INSL6: variants seen among roughly 807,000 people sequenced by gnomAD.
INSL6 encodes insulin like 6.
Under a neutral mutation model 9.4 loss-of-function variants are expected in INSL6, and 16 were observed. The observed-to-expected ratio is 1.70, with a 90% CI of 1.15 to 2.59. The LOEUF (loss-of-function observed/expected upper bound fraction) is 2.59, where lower values mean the gene tolerates loss of function less well. Among genes scored for constraint, INSL6 ranks in the 30% most tolerant of loss-of-function variants. INSL6 has a pLI of 0.00. For synonymous variants in INSL6, 154 were observed against 96.9 expected, an observed-to-expected ratio of 1.59 and a Z score of -3.46; for missense variants, 391 against 257.3, an observed-to-expected ratio of 1.52 and a Z score of -3.56.
At chr9:5,017,236 C>T in the INSL6 span, among the ~76,000 whole-genome samples, 2 of 152,020 alleles carry the variant, frequency 1.3e-5, no homozygotes, top group Non-Finnish European at 2.9e-5. Context: ...AACTTAAAAA[C>T]CCACAGAGCC....
At chr9:4,992,723 A>T in the INSL6 span, among the ~76,000 whole-genome samples, 1 of 152,132 alleles carries the variant, frequency 6.6e-6, no homozygotes, top group African/African-American at 2.4e-5. Context: ...CCATGAAGAG[A>T]CAGTTTATAT....
chr9:5,062,390 G>C, the INSL6 span, among the ~76,000 whole-genome samples: 1 of 149,906 alleles, frequency 6.7e-6, no homozygotes, highest in Non-Finnish European at 1.5e-5. Context: ...TTTAAATTTT[G>C]TGAAAATTAC....
chr9:5,125,786 G>A (rs1276197953), intron 3 of INSL6, among the ~76,000 whole-genome samples: 2 of 151,390 alleles, frequency 1.3e-5, no homozygotes, highest in Non-Finnish European at 3.0e-5. Context: ...ATGTATATAT[G>A]TGAATTATCT....
chr9:5,078,693 G>A, the INSL6 span, among the ~76,000 whole-genome samples: 4 of 152,080 alleles, frequency 2.6e-5, no homozygotes, highest in Admixed American at 2.6e-4. Context: ...ATGTATGAAG[G>A]ATAGGATTTT....
intron 3 of INSL6, chr9:5,126,510 C>A: frequency 8.7e-7 from 1 of 1,142,876 alleles, no homozygotes; most frequent in Non-Finnish European, 1.3e-6. Context: ...TCAAGGACTT[C>A]AGTTCACTTC....
At chr9:5,034,045 C>G in the INSL6 span, among the ~76,000 whole-genome samples, 6 of 152,002 alleles carry the variant, frequency 3.9e-5, no homozygotes, top group East Asian at 1.9e-4. Context: ...GATGGAGGAA[C>G]ATCTACCAAG....
At chr9:5,051,245 A>G in the INSL6 span, among the ~76,000 whole-genome samples, 1 of 152,216 alleles carries the variant, frequency 6.6e-6, no homozygotes, top group Non-Finnish European at 1.5e-5. Context: ...TACAGGAAAT[A>G]TCATAGGTAT....
At chr9:5,100,367 C>G in the INSL6 span, 34 of 152,182 alleles carry the variant, frequency 2.2e-4, no homozygotes, top group Non-Finnish European at 8.8e-5. Flanking sequence ...CTCTTTTAAC[C>G]CTAGGCCTAT....
chr9:5,017,986 CTT>C, the INSL6 span, among the ~76,000 whole-genome samples: 5 of 152,122 alleles, frequency 3.3e-5, no homozygotes, highest in Non-Finnish European at 5.9e-5. Context: ...CTATGTGTAT[CTT>C]TAAAGGTGAG....
the INSL6 span, among the ~76,000 whole-genome samples, chr9:5,087,825 A>G: frequency 6.6e-6 from 1 of 152,324 alleles, no homozygotes; most frequent in Non-Finnish European, 1.5e-5. Flanking sequence ...GATGTACACA[A>G]ATATTTATTT....
chr9:5,164,506 G>C (rs1825005643), intron 1 of INSL6, among the ~76,000 whole-genome samples: 1 of 152,164 alleles, frequency 6.6e-6, no homozygotes, highest in Admixed American at 6.5e-5. Flanking sequence ...TCATTCACAT[G>C]CTATAAAATT....
chr9:5,176,582 G>A (rs201601162), intron 1 of INSL6, among the ~76,000 whole-genome samples: 4 of 151,864 alleles, frequency 2.6e-5, no homozygotes, highest in Non-Finnish European at 2.9e-5. Context: ...CCCTATTTAC[G>A]ATGATTAAAA....
At chr9:5,126,307 AAAT>A (rs780867187) in intron 3 of INSL6, 18 of 1,503,870 alleles carry the variant, frequency 1.2e-5, no homozygotes, top group Non-Finnish European at 1.6e-5. Flanking sequence ...AATGTACAAA[AAAT>A]ATTGAAAGTG....
At chr9:5,141,619 A>C (rs1457875708) in intron 2 of INSL6, among the ~76,000 whole-genome samples, 1 of 151,900 alleles carries the variant, frequency 6.6e-6, no homozygotes, top group Non-Finnish European at 1.5e-5. Flanking sequence ...TGGATATTAG[A>C]CCTTTGTCAG....
the INSL6 span, among the ~76,000 whole-genome samples, chr9:5,006,147 G>C: frequency 7.2e-5 from 11 of 152,220 alleles, no homozygotes; most frequent in East Asian, 5.8e-4. Flanking sequence ...TCTTCCATTT[G>C]TTTGTATCCT....
intron 2 of INSL6, among the ~76,000 whole-genome samples, chr9:5,149,808 T>G (rs1470446574): frequency 1.3e-5 from 2 of 152,068 alleles, no homozygotes; most frequent in African/African-American, 4.8e-5. Flanking sequence ...AAATAAAAAT[T>G]TAAAAGCTGG....
intron 2 of INSL6, among the ~76,000 whole-genome samples, chr9:5,150,310 C>G (rs182716607): frequency 6.6e-6 from 1 of 152,142 alleles, no homozygotes; most frequent in South Asian, 2.1e-4. Flanking sequence ...AACATACAAC[C>G]TACAGAATGG....
the INSL6 span, among the ~76,000 whole-genome samples, chr9:5,061,578 G>A: frequency 0.25 from 37,913 of 152,130 alleles, 4,934 homozygotes; most frequent in South Asian, 0.3. Flanking sequence ...GAATTTAAGA[G>A]CATTAGGGTC....
the INSL6 span, among the ~76,000 whole-genome samples, chr9:5,023,435 G>C: frequency 1.3e-5 from 2 of 152,150 alleles, no homozygotes; most frequent in African/African-American, 4.8e-5. Context: ...TTAGGACTCG[G>C]GGGGAGCGTG....
Sources: allele counts gnomAD v4.1 joint callset (sites outside exome capture counted in the v4.1 genomes callset), GRCh38; gene constraint gnomAD v4.1.1; transcripts MANE v1.5; gene names NCBI Gene and HGNC (gene_info 2026-07-23, HGNC 2026-07-21).